Variants in PLCB1 observed in about 807,000 individuals in gnomAD.
PLCB1 encodes the protein phospholipase C beta 1.
Under a neutral mutation model 161.8 loss-of-function variants are expected in PLCB1, and 46 were observed. The observed-to-expected ratio is 0.28, with a 90% confidence interval of 0.22 to 0.36. The LOEUF is 0.36. Ranked by LOEUF, PLCB1 falls within the 10% of genes least tolerant of loss-of-function variation. PLCB1 has a pLI of 1.00. For synonymous variants in PLCB1, 517 were observed against 503.7 expected (o/e 1.03, Z -0.35); for missense variants, 1,016 against 1,472.5 (o/e 0.69, Z 5.07).
intron 4 of PLCB1, 128 bp from the exon 5 acceptor site, chr20:8,645,974 C>A: frequency 1.6e-6 from 1 of 610,114 alleles, no homozygotes; most frequent in Non-Finnish European, 2.9e-6. Context: ...GATAATAATA[C>A]AAAACAAAAC....
intron 9 of PLCB1, among the ~76,000 whole-genome samples, chr20:8,662,017 AT>A (rs1989649867): frequency 2.9e-5 from 1 of 34,156 alleles, no homozygotes; most frequent in East Asian, 9.4e-4. Flanking sequence ...ATAATTATAT[AT>A]AATATACAAT....
intron 27 of PLCB1, among the ~76,000 whole-genome samples, chr20:8,786,474 T>C (rs1983487574): frequency 6.6e-6 from 1 of 152,158 alleles, no homozygotes; most frequent in African/African-American, 2.4e-5. Flanking sequence ...TTCATGATAA[T>C]TTTAAACGAA....
chr20:8,304,429 T>C (rs1984038201), intron 2 of PLCB1, among the ~76,000 whole-genome samples: 1 of 151,952 alleles, frequency 6.6e-6, no homozygotes, highest in African/African-American at 2.4e-5. Context: ...GTTTTCATTT[T>C]TTCTTAAAAT....
At chr20:8,245,710 T>C (rs909438747) in intron 2 of PLCB1, among the ~76,000 whole-genome samples, 1 of 151,914 alleles carries the variant, frequency 6.6e-6, no homozygotes, top group Non-Finnish European at 1.5e-5. Flanking sequence ...AAAAAGACTA[T>C]ATGTAAGAGT....
intron 3 of PLCB1, among the ~76,000 whole-genome samples, chr20:8,440,485 A>G (rs1164759203): frequency 6.6e-6 from 1 of 152,228 alleles, no homozygotes; most frequent in East Asian, 1.9e-4. Context: ...TTCTCCAGGA[A>G]TTGATTGTTA....
At chr20:8,245,436 T>C (rs1427900675) in intron 2 of PLCB1, among the ~76,000 whole-genome samples, 1 of 151,958 alleles carries the variant, frequency 6.6e-6, no homozygotes, top group Non-Finnish European at 1.5e-5. Flanking sequence ...CAGTAAAACT[T>C]CATGGAAATT....
intron 2 of PLCB1, among the ~76,000 whole-genome samples, chr20:8,167,891 C>G (rs1035370132): frequency 1.3e-5 from 2 of 152,094 alleles, no homozygotes; most frequent in African/African-American, 2.4e-5. Context: ...GATCATTTTT[C>G]TGGTCTCAGG....
At chr20:8,385,144 A>G (rs1403804163) in intron 3 of PLCB1, among the ~76,000 whole-genome samples, 1 of 152,172 alleles carries the variant, frequency 6.6e-6, no homozygotes. Context: ...GGCTAAGTCT[A>G]CTGGTCCACA....
At chr20:8,739,576 G>C (rs973708107) in intron 21 of PLCB1, among the ~76,000 whole-genome samples, 3 of 152,222 alleles carry the variant, frequency 2.0e-5, no homozygotes, top group African/African-American at 7.2e-5. Flanking sequence ...CAAACAATCT[G>C]AAAACTTATA....
chr20:8,527,488 G>A (rs1984629951), intron 3 of PLCB1, among the ~76,000 whole-genome samples: 1 of 152,106 alleles, frequency 6.6e-6, no homozygotes, highest in South Asian at 2.1e-4. Context: ...TAAGAATGTT[G>A]GTTGCCCAGG....
chr20:8,141,584 G>A (rs142799705), intron 1 of PLCB1, among the ~76,000 whole-genome samples: 1,689 of 144,666 alleles, frequency 0.012, 32 homozygotes, highest in African/African-American at 0.04. Flanking sequence ...CCAAGATCGC[G>A]CCACTGCATT....
At chr20:8,800,438 GTC>G (rs1984228887) in intron 31 of PLCB1, among the ~76,000 whole-genome samples, 1 of 140,250 alleles carries the variant, frequency 7.1e-6, no homozygotes, top group South Asian at 2.2e-4. Flanking sequence ...ATTTTAAAGA[GTC>G]ACACACACAC....
At chr20:8,741,274 T>C (rs1009141042) in intron 22 of PLCB1, among the ~76,000 whole-genome samples, 190 bp from the exon 23 acceptor site, 5 of 152,116 alleles carry the variant, frequency 3.3e-5, no homozygotes, top group Non-Finnish European at 5.9e-5. Context: ...GAGGAGTAGA[T>C]AGTTATATGG....
At chr20:8,541,354 G>C (rs1487360791) in intron 3 of PLCB1, among the ~76,000 whole-genome samples, 1 of 152,092 alleles carries the variant, frequency 6.6e-6, no homozygotes, top group African/African-American at 2.4e-5. Context: ...GAGCAGATGA[G>C]TAACATAGTA....
intron 2 of PLCB1, among the ~76,000 whole-genome samples, chr20:8,358,700 A>AT (rs1297525375): frequency 6.6e-6 from 1 of 152,188 alleles, no homozygotes; most frequent in East Asian, 1.9e-4. Flanking sequence ...TATTTTTTGC[A>AT]TTATCCCAAT....
chr20:8,869,836 G>T (rs1987552329), intron 31 of PLCB1, among the ~76,000 whole-genome samples: 1 of 152,106 alleles, frequency 6.6e-6, no homozygotes, highest in Non-Finnish European at 1.5e-5. Context: ...TACATCTCTG[G>T]GTATCAGTTG....
intron 3 of PLCB1, among the ~76,000 whole-genome samples, chr20:8,393,516 G>C (rs1386194420): frequency 6.6e-6 from 1 of 152,052 alleles, no homozygotes; most frequent in African/African-American, 2.4e-5. Flanking sequence ...TGGATGCAGT[G>C]GTGCATGCCT....
intron 3 of PLCB1, among the ~76,000 whole-genome samples, chr20:8,394,663 G>GT (rs1255937417): frequency 2.0e-5 from 3 of 152,186 alleles, no homozygotes; most frequent in Non-Finnish European, 4.4e-5. Flanking sequence ...TAGGGGATCT[G>GT]TAAGTTGTAG....
intron 31 of PLCB1, among the ~76,000 whole-genome samples, chr20:8,836,462 A>AGTGGTTCAAGG (rs1555794034): frequency 6.7e-6 from 1 of 150,200 alleles, no homozygotes; most frequent in African/African-American, 2.4e-5. Context: ...GAGAACCAAG[A>AGTGGTTCAAGG]CTGATACAGA....
Sources: allele counts gnomAD v4.1 joint callset (sites outside exome capture counted in the v4.1 genomes callset), GRCh38; gene constraint gnomAD v4.1.1; transcripts MANE v1.5; gene names NCBI Gene and HGNC (gene_info 2026-07-23, HGNC 2026-07-21).